Variants in DEFB104B observed in about 807,000 individuals in gnomAD.
The protein encoded by DEFB104B is defensin beta 104B.
chr8:7,473,046 G>A (rs370498269), intron 1 of DEFB104B, among the ~76,000 whole-genome samples: 128 of 142,044 alleles, frequency 9.0e-4, no homozygotes, highest in African/African-American at 3.1e-3. Context: ...TAGTAGAGAC[G>A]AGGTTTCACC....
chr8:7,474,486 T>G (rs1167406947), intron 1 of DEFB104B, among the ~76,000 whole-genome samples: 6 of 142,094 alleles, frequency 4.2e-5, no homozygotes, highest in African/African-American at 1.5e-4. Flanking sequence ...GTCAGTAAAT[T>G]ACGTTCTTGC....
chr8:7,472,531 C>A (rs1197723866), intron 1 of DEFB104B, among the ~76,000 whole-genome samples: 1 of 137,074 alleles, frequency 7.3e-6, no homozygotes, highest in Non-Finnish European at 1.5e-5. Context: ...GCAGTCCATA[C>A]ACTAAGGCTG....
chr8:7,472,810 C>T (rs1212958111), intron 1 of DEFB104B, among the ~76,000 whole-genome samples: 1 of 136,074 alleles, frequency 7.3e-6, no homozygotes, highest in Non-Finnish European at 1.5e-5. Context: ...CATAATACAT[C>T]AATCAATACG....
At chr8:7,471,025 C>A (rs1371540783) in intron 1 of DEFB104B, among the ~76,000 whole-genome samples, 1 of 151,660 alleles carries the variant, frequency 6.6e-6, no homozygotes. Flanking sequence ...ATGTCTCAAC[C>A]TTAAGTTCCC....
intron 1 of DEFB104B, among the ~76,000 whole-genome samples, chr8:7,472,881 C>A (rs7001088): frequency 8.3e-6 from 1 of 120,780 alleles, no homozygotes; most frequent in African/African-American, 3.5e-5. Context: ...TTTTGAGACA[C>A]AGTCTTGCTC....
In DEFB104B at chr8:7,472,442, A is replaced by C. The variant is rs1452380208; in HGVS notation, c.59-1926T>G. Reference sequence around the variant, plus strand: ...AGTGACTAATCTGACGTCACACAGCAACTTATGTGTCAAAGCTGGAACAGA... The same window carrying C: ...AGTGACTAATCTGACGTCACACAGCCACTTATGTGTCAAAGCTGGAACAGA... On this transcript the variant is annotated intron_variant, in intron 1 of 1. Transcript: ENST00000316169. Among the ~76,000 whole-genome samples, 6 of 138,544 alleles carry C rather than the reference A, an allele frequency of 4.3e-5. 1 individual carries two copies. The highest frequency in any genetic ancestry group is 1.4e-4 in the African/African-American group (5 of 34,928). The allele number at this position is 138,544 out of a possible 152,430, so 90.9% of individuals were successfully genotyped here. A position where few individuals can be genotyped will look rare whatever the true frequency, so the allele number is the denominator to read the frequency against.
In DEFB104B at chr8:7,474,401, T is replaced by C. The variant is rs1414951286; in HGVS notation, c.58+610A>G. Among the ~76,000 whole-genome samples, 616 of 136,098 alleles carry C rather than the reference T, an allele frequency of 4.5e-3. 5 individuals are homozygous for C. Among genetic ancestry groups the C allele is most frequent in the East Asian group, 0.018 (78 of 4,448 alleles). The allele number at this position is 136,098 out of a possible 152,430, so 89.3% of individuals were successfully genotyped here. A position where few individuals can be genotyped will look rare whatever the true frequency, so the allele number is the denominator to read the frequency against. On this transcript the variant is annotated intron_variant, in intron 1 of 1. Coordinates refer to ENST00000316169, the MANE Select transcript of DEFB104B (RefSeq NM_001040702.1). ...ATGCTTCTGGGGACATAGATTAACG[T>C]AGGAGTCAGAAGATTGCTGACATCT...
intron 1 of DEFB104B, among the ~76,000 whole-genome samples, chr8:7,474,563 A>G (rs1187490113): frequency 2.1e-5 from 3 of 141,364 alleles, no homozygotes; most frequent in Non-Finnish European, 3.2e-5. Context: ...TGCAAAATTT[A>G]GGAGGATGAG....
intron 1 of DEFB104B, among the ~76,000 whole-genome samples, chr8:7,472,774 G>T (rs1438995991): frequency 7.4e-6 from 1 of 135,458 alleles, no homozygotes. Flanking sequence ...GATACAGCTT[G>T]CTTGGTTTTA....
At chr8:7,470,785 T>C (rs1810908547) in intron 1 of DEFB104B, among the ~76,000 whole-genome samples, 2 of 107,618 alleles carry the variant, frequency 1.9e-5, no homozygotes, top group Non-Finnish European at 3.8e-5. Context: ...CTTTATTAAA[T>C]CTCTCCAAGC....
chr8:7,472,833 T>C (rs1489839518), intron 1 of DEFB104B, among the ~76,000 whole-genome samples: 1 of 130,220 alleles, frequency 7.7e-6, no homozygotes, highest in Non-Finnish European at 1.6e-5. Flanking sequence ...TAAGATTTGC[T>C]TTGTTTTTTT....
intron 1 of DEFB104B, among the ~76,000 whole-genome samples, chr8:7,470,787 T>C (rs1810908674): frequency 9.2e-6 from 1 of 109,022 alleles, no homozygotes; most frequent in Non-Finnish European, 1.9e-5. Context: ...TTATTAAATC[T>C]CTCCAAGCCC....
intron 1 of DEFB104B, among the ~76,000 whole-genome samples, chr8:7,472,817 T>C (rs2740007): frequency 3.0e-5 from 4 of 132,484 alleles, no homozygotes. Flanking sequence ...CATCAATCAA[T>C]ACGTGTAAGA....
At chr8:7,471,926 C>G (rs1810960088) in intron 1 of DEFB104B, among the ~76,000 whole-genome samples, 1 of 149,548 alleles carries the variant, frequency 6.7e-6, no homozygotes, top group African/African-American at 2.5e-5. Flanking sequence ...GAGAAGCCTC[C>G]TGTTTCTGAT....
intron 1 of DEFB104B, among the ~76,000 whole-genome samples, chr8:7,472,764 G>T (rs1437152382): frequency 7.4e-6 from 1 of 134,630 alleles, no homozygotes; most frequent in Non-Finnish European, 1.6e-5. Flanking sequence ...AGGTGGTTGT[G>T]ATACAGCTTG....
intron 1 of DEFB104B, among the ~76,000 whole-genome samples, chr8:7,472,050 G>A (rs548019684): frequency 6.6e-5 from 10 of 151,346 alleles, no homozygotes; most frequent in East Asian, 1.9e-4. Context: ...TGGCCCCACA[G>A]CGGGTGATGA....
At chr8:7,471,911 G>A (rs1478769678) in intron 1 of DEFB104B, among the ~76,000 whole-genome samples, 5 of 148,216 alleles carry the variant, frequency 3.4e-5, no homozygotes, top group Admixed American at 3.3e-4. Flanking sequence ...ATTTGTTCTG[G>A]TAAAGAGAAG....
rs571724530 is a variant in DEFB104B, at chr8:7,474,579, G to A, written c.58+432C>T. Among the ~76,000 whole-genome samples the A allele has an allele frequency of 4.1e-4, 58 of 141,232 alleles. 3 individuals carry two copies. Among genetic ancestry groups the A allele is most frequent in the African/African-American group, 1.2e-3 (47 of 38,600 alleles). The allele number at this position is 141,232 out of a possible 152,430, so 92.7% of individuals were successfully genotyped here. On this transcript the variant is annotated intron_variant, in intron 1 of 1. Coordinates refer to ENST00000316169, the MANE Select transcript of DEFB104B (RefSeq NM_001040702.1). The stretch of plus-strand genomic sequence containing the variant: ...GCAAAATTTAGGAGGATGAGTAGGC[G>A]CCCTTTCTGTGCAGAGTAAAGCTGT...
Position 7,474,777 on chromosome 8 carries a change from C to T in DEFB104B, c.58+234G>A, listed in dbSNP as rs1463994054. 1.2e-4 allele frequency among the ~76,000 whole-genome samples: 16 copies of T among 134,540 alleles called. 3 individuals carry two copies. In the South Asian group the frequency reaches 2.3e-3, roughly 20 times the overall value. 88.3% of individuals were successfully genotyped at this position (134,540 alleles called of 152,430 possible). ...CCAAGGACATCTAGGACTCCTGATC[C>T]CTACGTTTCTTTTTTCCTCCTTGAG... On this transcript the variant is annotated intron_variant, in intron 1 of 1. Coordinates refer to ENST00000316169, the MANE Select transcript of DEFB104B (RefSeq NM_001040702.1).
Sources: gnomAD v4.1 joint callset for allele counts (sites outside exome capture counted in the v4.1 genomes callset) on GRCh38, gnomAD v4.1.1 for gene constraint, MANE v1.5 for transcripts, NCBI Gene and HGNC (gene_info 2026-07-23, HGNC 2026-07-21) for gene names.